MTHFD2L: variants seen among roughly 807,000 people sequenced by gnomAD.
MTHFD2L encodes methylenetetrahydrofolate dehydrogenase (NADP+ dependent) 2 like, also known as bifunctional methylenetetrahydrofolate dehydrogenase/cyclohydrolase 2, mitochondrial.
Under a neutral mutation model 34.9 loss-of-function variants are expected in MTHFD2L, and 29 were observed. The ratio of observed to expected loss-of-function variants is 0.83; its 90% confidence interval spans 0.62 to 1.13. MTHFD2L has a LOEUF of 1.13. Ranked by LOEUF, MTHFD2L falls within the 50% of genes most tolerant of loss-of-function variation. The pLI, the probability that MTHFD2L is intolerant of heterozygous loss-of-function variation, is 0.00. For missense variants in MTHFD2L, 481 were observed against 446.5 expected (o/e 1.08, Z -0.70); for synonymous variants, 167 against 155.7 (o/e 1.07, Z -0.54).
chr4:74,158,405 G>A (rs1316560681), intron 1 of MTHFD2L, 124 bp downstream of exon 1: 3 of 731,988 alleles, frequency 4.1e-6, no homozygotes, highest in East Asian at 1.2e-4. Flanking sequence ...GGGCTGGGTC[G>A]AGGACAGCCT....
intron 6 of MTHFD2L, among the ~76,000 whole-genome samples, chr4:74,252,186 A>G (rs560520079): frequency 1.8e-4 from 27 of 152,168 alleles, no homozygotes; most frequent in Non-Finnish European, 3.1e-4. Flanking sequence ...CAAATTTTAT[A>G]CAGTTATGGG....
At chr4:74,169,019 C>G (rs186517497) in intron 1 of MTHFD2L, among the ~76,000 whole-genome samples, 1 of 152,224 alleles carries the variant, frequency 6.6e-6, no homozygotes. Flanking sequence ...TTGCCTCTTA[C>G]AGTGACTCCT....
At chr4:74,187,128 A>G (rs1423513683) in intron 3 of MTHFD2L, among the ~76,000 whole-genome samples, 2 of 152,242 alleles carry the variant, frequency 1.3e-5, no homozygotes, top group African/African-American at 2.4e-5. Context: ...AATATCTAGA[A>G]AAGAAATGCT....
chr4:74,255,984 A>G (rs1049552058), intron 6 of MTHFD2L, among the ~76,000 whole-genome samples: 2 of 152,146 alleles, frequency 1.3e-5, no homozygotes, highest in Non-Finnish European at 2.9e-5. Context: ...TTTTACTAGA[A>G]TGATTTGTTT....
chr4:74,188,909 G>GT (rs1408738208), intron 3 of MTHFD2L, among the ~76,000 whole-genome samples: 1 of 151,452 alleles, frequency 6.6e-6, no homozygotes, highest in African/African-American at 2.4e-5. Flanking sequence ...CAATAAAGCT[G>GT]TTTATCAAAA....
At chr4:74,225,000 G>A (rs960110498) in intron 5 of MTHFD2L, among the ~76,000 whole-genome samples, 6 of 152,198 alleles carry the variant, frequency 3.9e-5, no homozygotes, top group Admixed American at 1.3e-4. Flanking sequence ...GTATACTAAT[G>A]TATTAAGCAG....
At chr4:74,186,437 T>TA (rs1275448959) in intron 3 of MTHFD2L, among the ~76,000 whole-genome samples, 2 of 6,382 alleles carry the variant, frequency 3.1e-4, no homozygotes, top group East Asian at 0.01. Context: ...AGGGAATCCA[T>TA]GAAAAAAAAA....
At chr4:74,224,379 C>A (rs1440625537) in intron 5 of MTHFD2L, among the ~76,000 whole-genome samples, 1 of 152,076 alleles carries the variant, frequency 6.6e-6, no homozygotes, top group Non-Finnish European at 1.5e-5. Context: ...CTACTAATTG[C>A]TGCTTTTGGT....
intron 5 of MTHFD2L, among the ~76,000 whole-genome samples, chr4:74,205,059 T>C (rs1735062658): frequency 6.6e-6 from 1 of 152,186 alleles, no homozygotes; most frequent in African/African-American, 2.4e-5. Context: ...TAGTGGTACC[T>C]GGGTGCCGTT....
At chr4:74,278,587 C>T (rs1298389909) in intron 6 of MTHFD2L, among the ~76,000 whole-genome samples, 1 of 152,120 alleles carries the variant, frequency 6.6e-6, no homozygotes, top group Non-Finnish European at 1.5e-5. Context: ...CCCGATCAAG[C>T]ATCTGCCATC....
At chr4:74,124,378 T>A (rs1721930453), upstream of MTHFD2L, among the ~76,000 whole-genome samples, 1 of 151,892 alleles carries the variant, frequency 6.6e-6, no homozygotes, top group Non-Finnish European at 1.5e-5. Flanking sequence ...GTTTATCTCC[T>A]ATAAATAACA....
At position 74,273,135 on chromosome 4, in the gene MTHFD2L, T is replaced by C. The variant is rs1209729427; in HGVS notation, c.806-8290T>C. On this transcript the variant is annotated intron_variant, in intron 6 of 7. Coordinates refer to ENST00000325278, the MANE Select transcript of MTHFD2L (RefSeq NM_001144978.3). ...TACATTCCTAAAACTATTCCTGATG[T>C]CCCTGCAAATTTTATCGTGGTGAGG... 5.9e-5 allele frequency among the ~76,000 whole-genome samples: 9 copies of C among 152,336 alleles called. No homozygotes were observed. In the Middle Eastern group the frequency reaches 0.01, roughly 173 times the overall value.
intron 6 of MTHFD2L, among the ~76,000 whole-genome samples, chr4:74,259,093 A>C (rs556427931): frequency 1.3e-5 from 2 of 152,284 alleles, no homozygotes; most frequent in East Asian, 3.9e-4. Context: ...ATCCTCTACC[A>C]GCACAGTATG....
At chr4:74,297,291 T>C (rs187011380) in intron 7 of MTHFD2L, among the ~76,000 whole-genome samples, 2 of 152,238 alleles carry the variant, frequency 1.3e-5, no homozygotes, top group African/African-American at 4.8e-5. Flanking sequence ...TTGGTGATTG[T>C]TTATTTGTCT....
At chr4:74,276,780 T>G (rs1273503256) in intron 6 of MTHFD2L, among the ~76,000 whole-genome samples, 1 of 152,156 alleles carries the variant, frequency 6.6e-6, no homozygotes, top group African/African-American at 2.4e-5. Context: ...TTAGTGTATT[T>G]AGCGTAACTA....
chr4:74,272,950 G>C (rs1399858160), intron 6 of MTHFD2L, among the ~76,000 whole-genome samples: 2 of 152,140 alleles, frequency 1.3e-5, no homozygotes, highest in Admixed American at 1.3e-4. Flanking sequence ...TTACAGGAAA[G>C]ATTTGGGGGA....
chr4:74,174,784 G>A, intron 2 of MTHFD2L, 94 bp downstream of exon 2: 1 of 902,904 alleles, frequency 1.1e-6, no homozygotes, highest in African/African-American at 1.7e-5. Flanking sequence ...TCAAATAAGT[G>A]CCATTTGAAT....
At chr4:74,262,979 AGTGT>A (rs1435744077) in intron 6 of MTHFD2L, among the ~76,000 whole-genome samples, 9 of 152,004 alleles carry the variant, frequency 5.9e-5, no homozygotes, top group Non-Finnish European at 1.3e-4. Flanking sequence ...AGAGGAATAG[AGTGT>A]GTACTTATCT....
intron 6 of MTHFD2L, among the ~76,000 whole-genome samples, chr4:74,277,764 A>G (rs1746870186): frequency 6.6e-6 from 1 of 151,966 alleles, no homozygotes; most frequent in Admixed American, 6.6e-5. Flanking sequence ...AGAAACTACT[A>G]TAGTTATTGG....
Sources: allele counts gnomAD v4.1 joint callset (sites outside exome capture counted in the v4.1 genomes callset), GRCh38; gene constraint gnomAD v4.1.1; transcripts MANE v1.5; gene names NCBI Gene and HGNC (gene_info 2026-07-23, HGNC 2026-07-21).